SBNO2: variants seen among roughly 807,000 people sequenced by gnomAD.
SBNO2 encodes the protein strawberry notch homolog 2, also known as protein strawberry notch homolog 2.
Under a neutral mutation model 146.3 loss-of-function variants are expected in SBNO2, and 89 were observed. The observed-to-expected ratio is 0.61, with a 90% CI of 0.51 to 0.73. SBNO2 has a LOEUF of 0.73. SBNO2 is among the 30% of genes least tolerant of loss of function. The pLI, the probability that SBNO2 is intolerant of heterozygous loss-of-function variation, is 0.00. For missense variants in SBNO2, 2,092 were observed against 2,003.7 expected (o/e 1.04, Z -0.84); for synonymous variants, 1,147 against 892.6 (o/e 1.29, Z -5.08).
chr19:1,111,684 C>A (rs976691380), intron 23 of SBNO2, 70 bp from the exon 24 acceptor site: 4 of 1,190,044 alleles, frequency 3.4e-6, no homozygotes, highest in Middle Eastern at 2.5e-4. Flanking sequence ...CCCTGCCTCC[C>A]CAGAACCCCA....
At chr19:1,172,671 C>G (rs2080489441) in intron 1 of SBNO2, among the ~76,000 whole-genome samples, 1 of 151,820 alleles carries the variant, frequency 6.6e-6, no homozygotes, top group African/African-American at 2.4e-5. Context: ...CCCGTGTAAT[C>G]GGGCTGGCTG....
rs940692036 is a variant in SBNO2 at position 1,110,020 on chromosome 19, G to A, written c.3029-243C>T. ...GGGGGATCGTGGGAGCCTGGGGGCC[G>A]CTCAGGTCCTATGTAACCCCGAGCA... On this transcript the variant is annotated intron_variant, in intron 26 of 31. Transcript: ENST00000361757. The surrounding 1 kb of genome is among the most constrained non-coding windows in gnomAD (Gnocchi z 4.9). Among the ~76,000 whole-genome samples the A allele has an allele frequency of 1.3e-5, 2 of 150,380 alleles. No homozygotes were observed. The highest frequency in any genetic ancestry group is 2.5e-5 in the African/African-American group (1 of 40,638).
At chr19:1,155,410 T>C (rs1007200530) in intron 1 of SBNO2, among the ~76,000 whole-genome samples, 1 of 151,472 alleles carries the variant, frequency 6.6e-6, no homozygotes, top group African/African-American at 2.4e-5. Flanking sequence ...TGCCAGGCCG[T>C]CCCAACTGTC....
Position 1,114,340 on chromosome 19 carries a change from G to A in SBNO2, c.1968C>T (p.Ser656=). The A allele has an allele frequency of 6.4e-7, 1 of 1,557,380 alleles. No homozygotes were observed. Among genetic ancestry groups the A allele is most frequent in the Non-Finnish European group, 8.7e-7 (1 of 1,150,846 alleles). ...TGTCCAGGCCAGGGTCCGACTCCGTGCTGCTGTCGTCACTGATGCGGATGA... is the reference window on the plus strand; with the variant it reads ...TGTCCAGGCCAGGGTCCGACTCCGTACTGCTGTCGTCACTGATGCGGATGA... The part of the protein sequence containing the change: ...AGVIRISDDS[S]TESDPGLDSD... The change falls in exon 18 of 32, where the codon AGC becomes AGT. Residue 656 remains serine, a synonymous_variant. Transcript: ENST00000361757.
intron 1 of SBNO2, among the ~76,000 whole-genome samples, chr19:1,162,661 C>G (rs911483197): frequency 6.6e-6 from 1 of 152,162 alleles, no homozygotes; most frequent in Non-Finnish European, 1.5e-5. Context: ...TGGAGCCCAA[C>G]CTCCAGACCA....
intron 2 of SBNO2, among the ~76,000 whole-genome samples, chr19:1,151,965 G>A (rs909204770): frequency 6.6e-6 from 1 of 152,110 alleles, no homozygotes; most frequent in Non-Finnish European, 1.5e-5. Context: ...GCTGGCCGGT[G>A]TATTTTTATT....
chr19:1,160,813 A>T (rs932404052), intron 1 of SBNO2, among the ~76,000 whole-genome samples: 7 of 152,216 alleles, frequency 4.6e-5, no homozygotes, highest in Admixed American at 3.3e-4. Flanking sequence ...TACAGGCGTG[A>T]GCCACCAGGC....
At position 1,136,975 on chromosome 19, in the gene SBNO2, GGCA is replaced by G. The variant is rs1348172096; in HGVS notation, c.280-9213_280-9211del. 1.7e-4 allele frequency among the ~76,000 whole-genome samples: 25 copies of G among 146,672 alleles called. No homozygotes were observed. Among genetic ancestry groups the G allele is most frequent in the African/African-American group, 6.8e-4 (25 of 36,638 alleles). The stretch of plus-strand genomic sequence containing the variant: ...TCACAGGACAGGTGGTGGGCAAGGG[GGCA>G]GCACCTGGGGAATGGGGATGGGCTG... On this transcript the variant is annotated intron_variant, in intron 4 of 31. Coordinates refer to ENST00000361757, the MANE Select transcript of SBNO2 (RefSeq NM_014963.3). This position sits in a 1 kb window ranked among gnomAD's most constrained non-coding sequence, Gnocchi z 4.2.
chr19:1,174,091 G>C lies in SBNO2; in HGVS notation c.-127+81C>G, dbSNP rs1327691757. The C allele has an allele frequency of 4.6e-5, 7 of 151,282 alleles. No homozygotes were observed. In the East Asian group the frequency reaches 5.9e-4, roughly 13 times the overall value. The allele number at this position is 151,282 out of a possible 1,614,324, so 9.4% of individuals were successfully genotyped here. A position where few individuals can be genotyped will look rare whatever the true frequency, so the allele number is the denominator to read the frequency against. Reference sequence around the variant, plus strand: ...CAGCCCCGGGCGCAGGGGTCCGCGGGGAGCGCCGGACCCACAAGCGGGGTC... The same window carrying C: ...CAGCCCCGGGCGCAGGGGTCCGCGGCGAGCGCCGGACCCACAAGCGGGGTC... On this transcript the variant is annotated intron_variant, in intron 1 of 31. Transcript: ENST00000361757.
At chr19:1,145,096 CAG>C (rs2080176857) in intron 4 of SBNO2, among the ~76,000 whole-genome samples, 1 of 148,266 alleles carries the variant, frequency 6.7e-6, no homozygotes, top group Non-Finnish European at 1.5e-5. Context: ...GGGAGATAGG[CAG>C]AGAGAGATTG....
At chr19:1,142,080 TCCTCATGATCAA>T (rs2080143586) in intron 4 of SBNO2, among the ~76,000 whole-genome samples, 1 of 103,098 alleles carries the variant, frequency 9.7e-6, no homozygotes, top group African/African-American at 3.9e-5. Flanking sequence ...ATGGCCTCCC[TCCTCATGATCAA>T]CCCTCACTCA....
intron 4 of SBNO2, among the ~76,000 whole-genome samples, chr19:1,134,195 TCA>T (rs2080064087): frequency 1.3e-5 from 1 of 78,104 alleles, no homozygotes; most frequent in African/African-American, 5.8e-5. Flanking sequence ...ACGGGTGGAC[TCA>T]CAGCTCACAG....
At chr19:1,113,425 G>T in intron 19 of SBNO2, 110 bp downstream of exon 19, 1 of 1,007,746 alleles carries the variant, frequency 9.9e-7, no homozygotes, top group Non-Finnish European at 1.4e-6. Context: ...CAGGGCCGCG[G>T]AGACGCAGAG....
intron 1 of SBNO2, among the ~76,000 whole-genome samples, chr19:1,172,929 G>A (rs1335980151): frequency 1.3e-5 from 2 of 151,776 alleles, no homozygotes; most frequent in Non-Finnish European, 1.5e-5. Flanking sequence ...CTGAGCAGGC[G>A]GGAACAACAG....
chr19:1,160,050 C>G (rs911995310), intron 1 of SBNO2, among the ~76,000 whole-genome samples: 1 of 152,266 alleles, frequency 6.6e-6, no homozygotes, highest in Middle Eastern at 3.4e-3. Flanking sequence ...CACGCGGCCA[C>G]ATTCCCGCAC....
intron 16 of SBNO2, 102 bp from the exon 17 acceptor site, chr19:1,116,205 G>C (rs776536557): frequency 1.4e-5 from 15 of 1,035,088 alleles, no homozygotes; most frequent in Non-Finnish European, 1.8e-5. Context: ...TGGGGGTCCC[G>C]GACAGGACCG....
intron 4 of SBNO2, among the ~76,000 whole-genome samples, chr19:1,145,547 GAGA>G (rs746698076): frequency 1.3e-5 from 2 of 151,992 alleles, no homozygotes; most frequent in Admixed American, 6.6e-5. Flanking sequence ...AGGGGTGAAA[GAGA>G]AGAAGGGGGC....
chr19:1,108,471 C>T lies in SBNO2; in HGVS notation c.3850G>A (p.Ala1284Thr), dbSNP rs947568069. 6 of 1,222,724 alleles carry T rather than the reference C, an allele frequency of 4.9e-6. No homozygotes were observed. The highest frequency in any genetic ancestry group is 2.5e-5 in the South Asian group (1 of 40,384). 75.7% of individuals were successfully genotyped at this position (1,222,724 alleles called of 1,614,324 possible). The change falls in exon 32 of 32, where the codon GCC becomes ACC. Residue 1284 changes from alanine (A) to threonine (T), a missense_variant. Ala to Thr is a moderately conservative substitution (Grantham distance 58). Transcript: ENST00000361757. ...FSFPAPLSLD[A>T]GPGVVPLGTP... ...CCCAGCGGCACGACGCCGGGGCCGGCGTCCAGGGACAGCGGCGCCGGGAAA... is the reference window on the plus strand; with the variant it reads ...CCCAGCGGCACGACGCCGGGGCCGGTGTCCAGGGACAGCGGCGCCGGGAAA...
chr19:1,154,800 G>C (rs535282692), intron 1 of SBNO2, among the ~76,000 whole-genome samples: 1 of 152,106 alleles, frequency 6.6e-6, no homozygotes, highest in Non-Finnish European at 1.5e-5. Flanking sequence ...ACCCGGGCCC[G>C]GCACCCAGGG....
Sources: gnomAD v4.1 joint callset for allele counts (sites outside exome capture counted in the v4.1 genomes callset) on GRCh38, gnomAD v4.1.1 for gene constraint, Gnocchi (gnomAD v3.1) non-coding constraint, MANE v1.5 for transcripts, NCBI Gene and HGNC (gene_info 2026-07-23, HGNC 2026-07-21) for gene names.